CSNK2A2IP: variants seen among roughly 807,000 people sequenced by gnomAD.
The protein encoded by CSNK2A2IP is casein kinase 2 subunit alpha' interacting protein.
chr3:88,340,366 A>T, the CSNK2A2IP span, among the ~76,000 whole-genome samples: 1 of 151,986 alleles, frequency 6.6e-6, no homozygotes, highest in East Asian at 1.9e-4. Flanking sequence ...TAAAATTTTT[A>T]AAAAATTGCC....
chr3:88,442,242 G>A, the CSNK2A2IP span, among the ~76,000 whole-genome samples: 1 of 152,030 alleles, frequency 6.6e-6, no homozygotes, highest in Non-Finnish European at 1.5e-5. Flanking sequence ...GTCTCACTAG[G>A]TTGTTCAGGC....
the CSNK2A2IP span, among the ~76,000 whole-genome samples, chr3:88,435,547 C>T: frequency 2.2e-3 from 340 of 152,204 alleles, 3 homozygotes; most frequent in African/African-American, 7.7e-3. Flanking sequence ...AGAGCCAATA[C>T]CGAGGTTTAT....
At chr3:88,416,632 T>C in the CSNK2A2IP span, among the ~76,000 whole-genome samples, 1 of 152,212 alleles carries the variant, frequency 6.6e-6, no homozygotes, top group Non-Finnish European at 1.5e-5. Flanking sequence ...CACGGAATCA[T>C]AGACATTTAT....
chr3:88,437,361 C>G, the CSNK2A2IP span, among the ~76,000 whole-genome samples: 2 of 152,154 alleles, frequency 1.3e-5, no homozygotes, highest in Non-Finnish European at 2.9e-5. Context: ...ATTAATGGTC[C>G]TGCTCAATTT....
At chr3:88,390,041 T>C in the CSNK2A2IP span, among the ~76,000 whole-genome samples, 1 of 152,080 alleles carries the variant, frequency 6.6e-6, no homozygotes, top group Admixed American at 6.5e-5. Flanking sequence ...AATCAGAGAA[T>C]AGGCTTAGCT....
chr3:88,464,138 GA>G, the CSNK2A2IP span, among the ~76,000 whole-genome samples: 2 of 144,670 alleles, frequency 1.4e-5, no homozygotes, highest in Admixed American at 1.4e-4. Context: ...ACAGGAAGGG[GA>G]ACATCACACA....
the CSNK2A2IP span, among the ~76,000 whole-genome samples, chr3:88,458,442 T>C: frequency 6.6e-6 from 1 of 152,184 alleles, no homozygotes; most frequent in African/African-American, 2.4e-5. Flanking sequence ...TAAGACACCA[T>C]GCCCAGCCCT....
At chr3:88,450,787 A>C in the CSNK2A2IP span, among the ~76,000 whole-genome samples, 5 of 152,082 alleles carry the variant, frequency 3.3e-5, no homozygotes, top group Non-Finnish European at 7.4e-5. Flanking sequence ...CAGCTTTGCT[A>C]TTGTAAATAA....
the CSNK2A2IP span, among the ~76,000 whole-genome samples, chr3:88,383,651 C>CTTTTTTTTTTTTTTTTTTTTTTTT: frequency 1.1e-5 from 1 of 88,550 alleles, no homozygotes; most frequent in Admixed American, 1.4e-4. Context: ...TCTTTTCTTT[C>CTTTTTTTTTTTTTTTTTTTTTTTT]TTTTTTTTTT....
chr3:88,446,036 TTC>T, the CSNK2A2IP span, among the ~76,000 whole-genome samples: 1 of 14,070 alleles, frequency 7.1e-5, no homozygotes, highest in South Asian at 2.2e-3. Context: ...TTTCTTTTCT[TTC>T]TTTCTTTCTT....
the CSNK2A2IP span, among the ~76,000 whole-genome samples, chr3:88,375,252 TC>T: frequency 6.6e-6 from 1 of 151,716 alleles, no homozygotes. Flanking sequence ...AGTTTTACCA[TC>T]CTTTTTTGAA....
the CSNK2A2IP span, among the ~76,000 whole-genome samples, chr3:88,415,292 G>A: frequency 6.6e-6 from 1 of 151,812 alleles, no homozygotes; most frequent in East Asian, 1.9e-4. Context: ...GAGTATTAAG[G>A]GAAAATTTAT....
the CSNK2A2IP span, chr3:88,465,468 A>G: frequency 3.2e-6 from 4 of 1,231,696 alleles, no homozygotes; most frequent in Non-Finnish European, 4.0e-6. Flanking sequence ...AACTAAATCA[A>G]TTCAATAACC....
chr3:88,389,315 A>G, the CSNK2A2IP span, among the ~76,000 whole-genome samples: 1 of 152,028 alleles, frequency 6.6e-6, no homozygotes, highest in Non-Finnish European at 1.5e-5. Flanking sequence ...CTTCATCAGG[A>G]GGAAGATTAT....
chr3:88,415,640 C>T, the CSNK2A2IP span, among the ~76,000 whole-genome samples: 1 of 151,936 alleles, frequency 6.6e-6, no homozygotes, highest in Non-Finnish European at 1.5e-5. Context: ...TCTGCTGTGC[C>T]AAACTTTAAA....
At chr3:88,368,988 C>T in the CSNK2A2IP span, among the ~76,000 whole-genome samples, 1 of 152,030 alleles carries the variant, frequency 6.6e-6, no homozygotes, top group Admixed American at 6.6e-5. Flanking sequence ...AAGATCTACC[C>T]TTAGGTAAAT....
chr3:88,362,931 C>T, the CSNK2A2IP span, among the ~76,000 whole-genome samples: 1 of 152,166 alleles, frequency 6.6e-6, no homozygotes, highest in African/African-American at 2.4e-5. Context: ...TACCCACACT[C>T]CTGCGGCCAC....
the CSNK2A2IP span, among the ~76,000 whole-genome samples, chr3:88,371,677 A>G: frequency 6.6e-6 from 1 of 151,898 alleles, no homozygotes; most frequent in African/African-American, 2.4e-5. Context: ...TTTGAAGACA[A>G]ATATGAACTT....
the CSNK2A2IP span, among the ~76,000 whole-genome samples, chr3:88,435,146 A>G: frequency 2.0e-5 from 3 of 152,178 alleles, no homozygotes; most frequent in East Asian, 5.8e-4. Flanking sequence ...CCCATTTCCT[A>G]CTTTCTAAAT....
Sources: gnomAD v4.1 joint callset for allele counts (sites outside exome capture counted in the v4.1 genomes callset) on GRCh38, gnomAD v4.1.1 for gene constraint, MANE v1.5 for transcripts, NCBI Gene and HGNC (gene_info 2026-07-23, HGNC 2026-07-21) for gene names.